Variants in NRXN1 observed in about 807,000 individuals in gnomAD.
The protein encoded by NRXN1 is neurexin-1.
NRXN1 carries 39 observed loss-of-function variants against 150.9 expected under a neutral mutation model. The observed-to-expected ratio is 0.26, with a 90% CI of 0.20 to 0.34. NRXN1 has a LOEUF of 0.34. Among genes scored for constraint, NRXN1 ranks in the 10% least tolerant of loss-of-function variants. NRXN1 has a pLI of 1.00. For missense variants in NRXN1, 1,815 were observed against 1,949.9 expected (o/e 0.93, Z 1.30); for synonymous variants, 924 against 757.0 (o/e 1.22, Z -3.62).
intron 17 of NRXN1, among the ~76,000 whole-genome samples, chr2:50,370,943 A>C (rs2079975258): frequency 6.6e-6 from 1 of 151,988 alleles, no homozygotes; most frequent in Admixed American, 6.6e-5. Context: ...ACTGGCATAC[A>C]ACAAATATGT....
chr2:50,980,687 T>C (rs925004328), intron 2 of NRXN1, among the ~76,000 whole-genome samples: 6 of 152,050 alleles, frequency 3.9e-5, no homozygotes, highest in Non-Finnish European at 5.9e-5. Context: ...AAAAAATCCA[T>C]AGATGCTAAT....
chr2:50,820,481 T>A (rs538764062), intron 5 of NRXN1, among the ~76,000 whole-genome samples: 1 of 152,248 alleles, frequency 6.6e-6, no homozygotes, highest in Admixed American at 6.5e-5. Context: ...ATGGACCTCA[T>A]TTAAGACCAC....
intron 8 of NRXN1, among the ~76,000 whole-genome samples, chr2:50,578,442 A>G (rs1280299957): frequency 6.6e-6 from 1 of 152,170 alleles, no homozygotes; most frequent in African/African-American, 2.4e-5. Flanking sequence ...TTCATATAGA[A>G]TTGTAATAAA....
In NRXN1 at chr2:50,506,505, C is replaced by T; in HGVS notation, c.2487G>A (p.Gln829=). 1 of 1,612,776 alleles carries T rather than the reference C, an allele frequency of 6.2e-7. No homozygotes were observed. Among genetic ancestry groups the T allele is most frequent in the Non-Finnish European group, 8.5e-7 (1 of 1,179,236 alleles). Residue 829 remains glutamine, a synonymous_variant, in exon 13 of 23, where the codon CAG becomes CAA. Coordinates refer to ENST00000401669, the MANE Select transcript of NRXN1 (RefSeq NM_001330078.2). The stretch of plus-strand genomic sequence containing the variant: ...GACAGAGGTGTTTACCTGTCATGGC[C>T]TGTTGGTCATCCACTGTTAACTTTA... ...KSLKLTVDDQ[Q]AMTGQMAGDH...
chr2:50,031,196 G>A (rs547462821), intron 21 of NRXN1, among the ~76,000 whole-genome samples: 1 of 152,110 alleles, frequency 6.6e-6, no homozygotes, highest in South Asian at 2.1e-4. Flanking sequence ...TATGACTAAA[G>A]TATACAATTT....
intron 18 of NRXN1, among the ~76,000 whole-genome samples, chr2:50,183,693 AG>A (rs910251913): frequency 4.0e-5 from 6 of 150,166 alleles, no homozygotes; most frequent in African/African-American, 1.5e-4. Flanking sequence ...TAGTGTGCAA[AG>A]ACCAGGGATG....
chr2:50,460,697 A>G (rs1404327751), intron 17 of NRXN1, among the ~76,000 whole-genome samples: 1 of 151,914 alleles, frequency 6.6e-6, no homozygotes, highest in African/African-American at 2.4e-5. Context: ...CCTTCATTAC[A>G]TTTTCTTACT....
chr2:50,276,234 C>G (rs1444605812), intron 17 of NRXN1, among the ~76,000 whole-genome samples: 1 of 151,884 alleles, frequency 6.6e-6, no homozygotes, highest in African/African-American at 2.4e-5. Flanking sequence ...TTCACCTTAT[C>G]AAAACCACAC....
intron 8 of NRXN1, among the ~76,000 whole-genome samples, chr2:50,603,287 G>A (rs1676570483): frequency 6.6e-6 from 1 of 152,136 alleles, no homozygotes; most frequent in African/African-American, 2.4e-5. Context: ...GCTGTTTGAT[G>A]GAAACCTGTA....
rs116633875 is a variant in NRXN1 at position 50,113,097 on chromosome 2, C to T, written c.3547-21603G>A. Among the ~76,000 whole-genome samples the T allele has an allele frequency of 5.6e-3, 858 of 152,250 alleles. 7 individuals carry two copies. Among genetic ancestry groups the T allele is most frequent in the African/African-American group, 0.02 (823 of 41,540 alleles). The stretch of plus-strand genomic sequence containing the variant: ...CCCTCATTACCCCTAGATTTGATTC[C>T]TGCTCAGTGACGATCTTGAAGGTAT... On this transcript the variant is annotated intron_variant, in intron 18 of 22. Coordinates refer to ENST00000401669, the MANE Select transcript of NRXN1 (RefSeq NM_001330078.2).
intron 18 of NRXN1, 106 bp from the exon 19 acceptor site, chr2:50,091,600 G>T: frequency 3.4e-6 from 4 of 1,170,076 alleles, no homozygotes; most frequent in Non-Finnish European, 5.0e-6. Flanking sequence ...GACAACAGCT[G>T]CTTTCCTCCA....
intron 13 of NRXN1, among the ~76,000 whole-genome samples, chr2:50,500,644 A>G (rs2091895704): frequency 1.3e-5 from 2 of 152,346 alleles, no homozygotes; most frequent in East Asian, 3.9e-4. Flanking sequence ...TGGAATAAGC[A>G]AAATGCCTCT....
rs1675879263 is a variant in NRXN1 at position 49,961,228 on chromosome 2, A to G, written c.4129-17437T>C. 2.6e-5 allele frequency among the ~76,000 whole-genome samples: 4 copies of G among 151,882 alleles called. No homozygotes were observed. In the South Asian group the frequency reaches 8.3e-4, roughly 32 times the overall value. On this transcript the variant is annotated intron_variant, in intron 21 of 22. Coordinates refer to ENST00000401669, the MANE Select transcript of NRXN1 (RefSeq NM_001330078.2). Reference sequence around the variant, plus strand: ...TTGTTACTGACTGAACCCTTCACAAACGCATTATTAGCTACCAAACCCTGG... The same window carrying G: ...TTGTTACTGACTGAACCCTTCACAAGCGCATTATTAGCTACCAAACCCTGG...
chr2:50,925,522 G>C (rs539410842), intron 3 of NRXN1, among the ~76,000 whole-genome samples: 1 of 151,710 alleles, frequency 6.6e-6, no homozygotes, highest in African/African-American at 2.4e-5. Context: ...AAACCAATGG[G>C]CTTGAAATGA....
chr2:50,163,164 G>GTGTATATATA (rs148512568), intron 18 of NRXN1, among the ~76,000 whole-genome samples: 1 of 141,754 alleles, frequency 7.1e-6, no homozygotes, highest in African/African-American at 2.6e-5. Context: ...AATCCAAAAT[G>GTGTATATATA]TATATATATA....
chr2:50,708,105 C>A (rs972233451), intron 5 of NRXN1, among the ~76,000 whole-genome samples: 6 of 152,072 alleles, frequency 3.9e-5, no homozygotes, highest in Non-Finnish European at 1.5e-5. Context: ...AAGAAAATTA[C>A]GAGTTCCTAA....
At chr2:50,122,045 T>C (rs1010639496) in intron 18 of NRXN1, among the ~76,000 whole-genome samples, 16 of 152,216 alleles carry the variant, frequency 1.1e-4, no homozygotes, top group African/African-American at 3.6e-4. Flanking sequence ...AAAAAGTCTG[T>C]TTGGTGATAA....
At chr2:50,457,103 C>T (rs1019641784) in intron 17 of NRXN1, among the ~76,000 whole-genome samples, 16 of 152,018 alleles carry the variant, frequency 1.1e-4, no homozygotes, top group African/African-American at 2.9e-4. Flanking sequence ...AGAAAATTCC[C>T]ATCTCTCTTT....
chr2:50,246,207 T>C (rs542668208), intron 17 of NRXN1, among the ~76,000 whole-genome samples: 1 of 152,152 alleles, frequency 6.6e-6, no homozygotes, highest in South Asian at 2.1e-4. Flanking sequence ...CTTTGGCTTA[T>C]TCTGAAGCTT....
Sources: gnomAD v4.1 joint callset for allele counts (sites outside exome capture counted in the v4.1 genomes callset) on GRCh38, gnomAD v4.1.1 for gene constraint, MANE v1.5 for transcripts, NCBI Gene and HGNC (gene_info 2026-07-23, HGNC 2026-07-21) for gene names.